VTCN1: variants seen among roughly 807,000 people sequenced by gnomAD.
The protein encoded by VTCN1 is V-set domain-containing T-cell activation inhibitor 1.
A neutral mutation model predicts 26.5 loss-of-function variants in VTCN1; 26 were observed. The observed-to-expected ratio is 0.98, with a 90% CI of 0.72 to 1.36. VTCN1 has a LOEUF of 1.36. Among genes scored for constraint, VTCN1 ranks in the 40% most tolerant of loss-of-function variants. VTCN1 has a pLI of 0.00. For synonymous variants in VTCN1, 116 were observed against 130.7 expected, an observed-to-expected ratio of 0.89 and a Z score of 0.77; for missense variants, 298 against 337.7, an observed-to-expected ratio of 0.88 and a Z score of 0.92.
chr1:117,182,371 T>C (rs568914312), intron 1 of VTCN1, among the ~76,000 whole-genome samples: 1 of 152,252 alleles, frequency 6.6e-6, no homozygotes, highest in East Asian at 1.9e-4. Flanking sequence ...ACCTACATTC[T>C]CATATTTTAG....
intron 1 of VTCN1, chr1:117,203,627 C>T: frequency 1.0e-6 from 1 of 985,354 alleles, no homozygotes; most frequent in Non-Finnish European, 1.2e-6. Flanking sequence ...CCTGTAGAAA[C>T]TTCATGGCTT....
rs755660286 is a variant in VTCN1, at chr1:117,156,884, A to C, written c.135T>G (p.Ala45=). 18 of 1,614,086 alleles carry C rather than the reference A, an allele frequency of 1.1e-5. No individual in the cohort carries two copies. Among genetic ancestry groups the C allele is most frequent in the Non-Finnish European group, 7.6e-6 (9 of 1,180,012 alleles). Residue 45 remains alanine (A), a synonymous_variant, in exon 3 of 6, where the codon GCT becomes GCG. Transcript: ENST00000369458. ...GGATTCCATCCTCCCCAATGTTCCCAGCTGAGGCGACAGTAGTGACTGTGA... is the reference window on the plus strand; with the variant it reads ...GGATTCCATCCTCCCCAATGTTCCCCGCTGAGGCGACAGTAGTGACTGTGA... ...HSITVTTVAS[A]GNIGEDGILS... is the part of the protein sequence containing the mutation.
Position 117,156,973 on chromosome 1 carries a change from C to A in VTCN1, c.98-52G>T, listed in dbSNP as rs768407926. 3.7e-6 allele frequency: 6 copies of A among 1,612,386 alleles called. No individual in the cohort carries two copies. In the Admixed American group the frequency reaches 1.0e-4, roughly 27 times the overall value. Reference sequence around the variant, plus strand: ...GCTAAGGGAAGCCTTGGAACTTCTACAACCAAACCCTTCATTGCTGAAAGC... The same window carrying A: ...GCTAAGGGAAGCCTTGGAACTTCTAAAACCAAACCCTTCATTGCTGAAAGC... On this transcript the variant is annotated intron_variant, in intron 2 of 5. Coordinates refer to ENST00000369458, the MANE Select transcript of VTCN1 (RefSeq NM_024626.4).
At chr1:117,151,470 G>A (rs1651792574) in intron 4 of VTCN1, among the ~76,000 whole-genome samples, 1 of 152,146 alleles carries the variant, frequency 6.6e-6, no homozygotes, top group African/African-American at 2.4e-5. Flanking sequence ...AGCCCTACCG[G>A]GTTGCTGCTG....
chr1:117,152,095 A>G (rs1393490085), intron 4 of VTCN1, among the ~76,000 whole-genome samples: 1 of 152,128 alleles, frequency 6.6e-6, no homozygotes, highest in East Asian at 1.9e-4. Flanking sequence ...AGTTCTTAAT[A>G]TATTCTGGAT....
Position 117,156,573 on chromosome 1 carries a change from C to T in VTCN1, c.445+1G>A. On this transcript the variant is annotated splice_donor_variant, in intron 3 of 5. Transcript: ENST00000369458. LOFTEE classifies it high-confidence loss of function. ...AAAATCTCTCTCCAAAAGTAACTCA[C>T]CTCCAGTTTTATACTCAAGGTTAGC... The T allele has an allele frequency of 6.4e-7, 1 of 1,563,126 alleles. No individual in the cohort carries two copies. Among genetic ancestry groups the T allele is most frequent in the East Asian group, 2.2e-5 (1 of 44,450 alleles).
chr1:117,163,573 G>A (rs1652474768), intron 2 of VTCN1, among the ~76,000 whole-genome samples: 1 of 152,192 alleles, frequency 6.6e-6, no homozygotes, highest in African/African-American at 2.4e-5. Flanking sequence ...TAAGCCATGA[G>A]AGAGTAAGAA....
chr1:117,169,317 C>T lies in VTCN1; in HGVS notation c.97+790G>A, dbSNP rs535934733. Among the ~76,000 whole-genome samples, 1 of 152,204 alleles carries T rather than the reference C, an allele frequency of 6.6e-6. No homozygotes were observed. Among genetic ancestry groups the T allele is most frequent in the East Asian group, 1.9e-4 (1 of 5,196 alleles). On this transcript the variant is annotated intron_variant, in intron 2 of 5. Transcript: ENST00000369458. The surrounding 1 kb of genome is among the most constrained non-coding windows in gnomAD (Gnocchi z 4.0). ...CAGAAACTAACCATCTGTGCTACAG[C>T]GGTATCTGTTTCCTACATGGTACAG...
intron 2 of VTCN1, among the ~76,000 whole-genome samples, chr1:117,165,611 A>C (rs2153908): frequency 0.24 from 36,423 of 152,004 alleles, 9,059 homozygotes; most frequent in African/African-American, 0.64. Context: ...ATATGACATG[A>C]CTGTTTCCCC....
At chr1:117,187,339 T>G (rs1375614240) in intron 1 of VTCN1, among the ~76,000 whole-genome samples, 1 of 144,206 alleles carries the variant, frequency 6.9e-6, no homozygotes, top group Non-Finnish European at 1.5e-5. Context: ...AAAAAGGAGC[T>G]TTTTCCTACC....
At chr1:117,209,002 C>G (rs1649231634) in intron 1 of VTCN1, among the ~76,000 whole-genome samples, 1 of 152,190 alleles carries the variant, frequency 6.6e-6, no homozygotes, top group Non-Finnish European at 1.5e-5. Context: ...AGGCAGGCTC[C>G]ACCTGCATCC....
chr1:117,208,682 A>T (rs563622577), intron 1 of VTCN1, among the ~76,000 whole-genome samples: 1 of 152,268 alleles, frequency 6.6e-6, no homozygotes, highest in East Asian at 1.9e-4. Context: ...AACAGCCATG[A>T]TGGGGAGAGG....
intron 1 of VTCN1, among the ~76,000 whole-genome samples, chr1:117,171,887 G>C (rs1652934708): frequency 6.6e-6 from 1 of 152,140 alleles, no homozygotes; most frequent in African/African-American, 2.4e-5. Flanking sequence ...CCAAGGGTAG[G>C]AGCTCACCGA....
chr1:117,198,949 T>A (rs1648657602), intron 1 of VTCN1, among the ~76,000 whole-genome samples: 1 of 152,120 alleles, frequency 6.6e-6, no homozygotes, highest in East Asian at 1.9e-4. Context: ...ATATCAAATA[T>A]GGGAGGGCAT....
intron 2 of VTCN1, among the ~76,000 whole-genome samples, chr1:117,164,986 A>G (rs1424422227): frequency 6.6e-6 from 1 of 152,384 alleles, no homozygotes; most frequent in East Asian, 1.9e-4. Context: ...ATACAGCATC[A>G]GGAGAGTTAC....
chr1:117,190,799 A>T (rs1186464111), intron 1 of VTCN1, among the ~76,000 whole-genome samples: 3 of 152,210 alleles, frequency 2.0e-5, no homozygotes, highest in African/African-American at 7.2e-5. Context: ...CCAATCTATA[A>T]AGTCTAAAAC....
Position 117,146,372 on chromosome 1 carries a change from G to C in VTCN1, c.*46-1147C>G, listed in dbSNP as rs1386178736. Among the ~76,000 whole-genome samples the C allele has an allele frequency of 6.6e-6, 1 of 152,130 alleles. No individual in the cohort carries two copies. The highest frequency in any genetic ancestry group is 2.4e-5 in the African/African-American group (1 of 41,428). ...TTCACTGCACTATAGTGAAATCTTG[G>C]AGAACAAGAGAAAGAATGAAAAGAA... On this transcript the variant is annotated intron_variant, in intron 5 of 5. Transcript: ENST00000369458. The surrounding 1 kb of genome is among the most constrained non-coding windows in gnomAD (Gnocchi z 4.2).
intron 4 of VTCN1, among the ~76,000 whole-genome samples, chr1:117,151,820 A>C (rs1651817173): frequency 6.6e-6 from 1 of 152,154 alleles, no homozygotes; most frequent in African/African-American, 2.4e-5. Flanking sequence ...CCAACAGTGC[A>C]TGAGGGTTCC....
chr1:117,192,990 A>ATATTTG (rs1648319826), intron 1 of VTCN1, among the ~76,000 whole-genome samples: 1 of 152,168 alleles, frequency 6.6e-6, no homozygotes, highest in East Asian at 1.9e-4. Context: ...AAAACAAAAT[A>ATATTTG]ACAACACAGC....
Sources: gnomAD v4.1 joint callset for allele counts (sites outside exome capture counted in the v4.1 genomes callset) on GRCh38, gnomAD v4.1.1 for gene constraint, Gnocchi (gnomAD v3.1) non-coding constraint, MANE v1.5 for transcripts, NCBI Gene and HGNC (gene_info 2026-07-23, HGNC 2026-07-21) for gene names.